The following TWSG1 variants were observed in gnomAD, a reference collection of about 807,000 sequenced individuals.
TWSG1 encodes twisted gastrulation BMP signaling modulator 1, also known as twisted gastrulation protein homolog 1.
In TWSG1, 15 loss-of-function variants were observed where a neutral mutation model predicts 23.0. The observed-to-expected ratio is 0.65, with a 90% confidence interval of 0.44 to 1.00. The LOEUF (loss-of-function observed/expected upper bound fraction) is 1.00, where lower values mean the gene tolerates loss of function less well. TWSG1 is among the 50% of genes least tolerant of loss of function. TWSG1 has a pLI of 0.00. For synonymous variants in TWSG1, 86 were observed against 92.8 expected (o/e 0.93, Z 0.42); for missense variants, 242 against 278.7 (o/e 0.87, Z 0.94).
chr18:9,345,680 GA>G (rs2040473786), intron 2 of TWSG1, among the ~76,000 whole-genome samples: 1 of 152,132 alleles, frequency 6.6e-6, no homozygotes, highest in Non-Finnish European at 1.5e-5. Flanking sequence ...TTGAAATCAG[GA>G]AGTCTGAGTT....
At chr18:9,371,726 A>G (rs915466756) in intron 3 of TWSG1, among the ~76,000 whole-genome samples, 2 of 151,972 alleles carry the variant, frequency 1.3e-5, no homozygotes, top group African/African-American at 4.8e-5. Flanking sequence ...TCCAGTAGCA[A>G]TGAACACACA....
In TWSG1 at chr18:9,373,660, C is replaced by G. The variant is rs143206996; in HGVS notation, c.223+13589C>G. The stretch of plus-strand genomic sequence containing the variant: ...CCAGGAGGCAGAGAATCAATAGGGA[C>G]ATGTTTGAACTCAAAAACACCATTA... On this transcript the variant is annotated intron_variant, in intron 3 of 4. Transcript: ENST00000262120. 3.3e-3 allele frequency among the ~76,000 whole-genome samples: 509 copies of G among 152,318 alleles called. 2 individuals are homozygous for G. The highest frequency in any genetic ancestry group is 0.012 in the African/African-American group (484 of 41,558).
intron 2 of TWSG1, among the ~76,000 whole-genome samples, chr18:9,356,858 CT>C (rs2040529248): frequency 6.6e-6 from 1 of 151,042 alleles, no homozygotes; most frequent in Non-Finnish European, 1.5e-5. Context: ...ATAAGGAATA[CT>C]CAACCTGTAT....
In TWSG1 at chr18:9,399,363, G is replaced by A; in HGVS notation, c.508G>A (p.Val170Ile). The A allele has an allele frequency of 6.2e-7, 1 of 1,606,510 alleles. No homozygotes were observed. The highest frequency in any genetic ancestry group is 8.5e-7 in the Non-Finnish European group (1 of 1,177,990). ...TTTTTCAGAACACATGTGTACTGTG[G>A]TTTATTTTGATGACTGCATGTCCAT... ...SSDKEHMCTV[V>I]YFDDCMSIHQ... is the part of the protein sequence containing the mutation. Residue 170 changes from valine (V) to isoleucine (I), a missense_variant, in exon 5 of 5, where the codon GTT becomes ATT. Transcript: ENST00000262120.
At chr18:9,340,213 G>C (rs917094880) in intron 2 of TWSG1, among the ~76,000 whole-genome samples, 5 of 151,234 alleles carry the variant, frequency 3.3e-5, no homozygotes, top group Non-Finnish European at 7.4e-5. Flanking sequence ...CTAAAAATAC[G>C]AAAAATTAGC....
intron 2 of TWSG1, among the ~76,000 whole-genome samples, chr18:9,343,210 T>TTATATATATATA (rs6146209): frequency 7.6e-5 from 10 of 132,114 alleles, no homozygotes; most frequent in Admixed American, 3.1e-4. Context: ...TTGTTTTTTG[T>TTATATATATATA]TATATATATA....
chr18:9,382,611 C>T (rs113222697), intron 3 of TWSG1, among the ~76,000 whole-genome samples: 6 of 149,276 alleles, frequency 4.0e-5, no homozygotes, highest in South Asian at 2.2e-4. Flanking sequence ...GTCAGGAGTT[C>T]GCCTGGCCAA....
At chr18:9,370,259 A>C (rs2040598496) in intron 3 of TWSG1, among the ~76,000 whole-genome samples, 1 of 152,036 alleles carries the variant, frequency 6.6e-6, no homozygotes, top group South Asian at 2.1e-4. Flanking sequence ...TGGAGGTTGC[A>C]GTGAGCCAAG....
Position 9,373,343 on chromosome 18 carries a change from A to G in TWSG1, c.223+13272A>G, listed in dbSNP as rs146494161. Among the ~76,000 whole-genome samples the G allele has an allele frequency of 9.5e-3, 1,450 of 152,216 alleles. 13 individuals are homozygous for G. The highest frequency in any genetic ancestry group is 0.011 in the Non-Finnish European group (747 of 67,990). On this transcript the variant is annotated intron_variant, in intron 3 of 4. Coordinates refer to ENST00000262120, the MANE Select transcript of TWSG1 (RefSeq NM_020648.6). ...CAGGAGTTCAAGACCAGCCTGGTCA[A>G]CATGGCGAAACCCTGTCTCTACCAA...
chr18:9,401,790 A>G lies in TWSG1; in HGVS notation c.*2263A>G, dbSNP rs909199567. On this transcript the variant is annotated 3_prime_UTR_variant, in exon 5 of 5. Coordinates refer to ENST00000262120, the MANE Select transcript of TWSG1 (RefSeq NM_020648.6). ...GTTAAAAGTTAGATCCTCTATTACC[A>G]TTCTAAGCACATTCACTTCTATATT... is the stretch of plus-strand genomic sequence containing the variant. 1 of 152,172 alleles carries G rather than the reference A, an allele frequency of 6.6e-6. No individual in the cohort carries two copies. The highest frequency in any genetic ancestry group is 1.9e-4 in the East Asian group (1 of 5,204). 9.4% of individuals were successfully genotyped at this position (152,172 alleles called of 1,614,324 possible). A position where few individuals can be genotyped will look rare whatever the true frequency, so the allele number is the denominator to read the frequency against.
At chr18:9,367,663 C>T (rs535949530) in intron 3 of TWSG1, among the ~76,000 whole-genome samples, 1 of 152,116 alleles carries the variant, frequency 6.6e-6, no homozygotes, top group Non-Finnish European at 1.5e-5. Flanking sequence ...TACAGGAGCT[C>T]GAACCCTATT....
intron 3 of TWSG1, among the ~76,000 whole-genome samples, chr18:9,392,173 C>A (rs1268334802): frequency 6.6e-6 from 1 of 152,218 alleles, no homozygotes; most frequent in Non-Finnish European, 1.5e-5. Context: ...GCATTGACTT[C>A]TTTCTAGCTA....
chr18:9,380,388 C>T (rs2040651021), intron 3 of TWSG1, among the ~76,000 whole-genome samples: 2 of 152,106 alleles, frequency 1.3e-5, no homozygotes, highest in African/African-American at 4.8e-5. Context: ...GTCCATGCTC[C>T]GTGATCCATT....
chr18:9,338,215 C>T (rs138298116), intron 2 of TWSG1, among the ~76,000 whole-genome samples: 1 of 152,278 alleles, frequency 6.6e-6, no homozygotes, highest in African/African-American at 2.4e-5. Context: ...ACATCAGAAG[C>T]ATTTTGTGCT....
At chr18:9,351,924 G>A (rs1202571369) in intron 2 of TWSG1, among the ~76,000 whole-genome samples, 1 of 152,134 alleles carries the variant, frequency 6.6e-6, no homozygotes, top group Non-Finnish European at 1.5e-5. Flanking sequence ...GGGATTACAG[G>A]CATGAGCCAC....
chr18:9,371,671 T>C (rs540155659), intron 3 of TWSG1, among the ~76,000 whole-genome samples: 14 of 152,204 alleles, frequency 9.2e-5, no homozygotes, highest in Non-Finnish European at 1.9e-4. Context: ...ATATTTCCTA[T>C]ATATTCTCTG....
chr18:9,349,968 C>T (rs544005107), intron 2 of TWSG1, among the ~76,000 whole-genome samples: 4 of 152,142 alleles, frequency 2.6e-5, no homozygotes, highest in East Asian at 1.9e-4. Flanking sequence ...GGTGAAACCC[C>T]GTCTCTATTA....
intron 3 of TWSG1, among the ~76,000 whole-genome samples, chr18:9,363,951 C>A (rs144064749): frequency 2.0e-5 from 3 of 152,014 alleles, no homozygotes; most frequent in African/African-American, 4.8e-5. Flanking sequence ...TCTTTAATAT[C>A]GTCTAATACC....
At chr18:9,352,843 T>A (rs1471026401) in intron 2 of TWSG1, among the ~76,000 whole-genome samples, 3 of 152,202 alleles carry the variant, frequency 2.0e-5, no homozygotes, top group African/African-American at 7.2e-5. Flanking sequence ...AGTCTAATCT[T>A]AATCTTGGAT....
Sources: gnomAD v4.1 joint callset for allele counts (sites outside exome capture counted in the v4.1 genomes callset) on GRCh38, gnomAD v4.1.1 for gene constraint, MANE v1.5 for transcripts, NCBI Gene and HGNC (gene_info 2026-07-23, HGNC 2026-07-21) for gene names.